NOSTRIN: variants seen among roughly 807,000 people sequenced by gnomAD.
The protein encoded by NOSTRIN is BM247 homolog.
Under a neutral mutation model 59.0 loss-of-function variants are expected in NOSTRIN, and 63 were observed. That is an observed-to-expected ratio of 1.07 (90% CI 0.87 to 1.32). The LOEUF (loss-of-function observed/expected upper bound fraction) is 1.32, where lower values mean the gene tolerates loss of function less well. Ranked by LOEUF, NOSTRIN falls within the 40% of genes most tolerant of loss-of-function variation. The pLI is 0.00. For synonymous variants in NOSTRIN, 200 were observed against 165.4 expected, an observed-to-expected ratio of 1.21 and a Z score of -1.61; for missense variants, 512 against 473.1, an observed-to-expected ratio of 1.08 and a Z score of -0.76.
upstream of NOSTRIN, among the ~76,000 whole-genome samples, chr2:168,796,597 C>T (rs56022950): frequency 6.1e-3 from 930 of 152,320 alleles, 6 homozygotes; most frequent in Middle Eastern, 0.01. Flanking sequence ...TTAGGGCACT[C>T]TTCGATTTTA....
chr2:168,863,906 G>T (rs1268680750), intron 15 of NOSTRIN, among the ~76,000 whole-genome samples: 1 of 151,746 alleles, frequency 6.6e-6, no homozygotes, highest in Non-Finnish European at 1.5e-5. Context: ...GATCCAACGT[G>T]ATCTTTTTTT....
upstream of NOSTRIN, among the ~76,000 whole-genome samples, chr2:168,802,020 T>G (rs1025565635): frequency 2.0e-5 from 3 of 152,078 alleles, no homozygotes; most frequent in Admixed American, 6.6e-5. Context: ...GGTTCCTAGT[T>G]GTTTGGTGTC....
chr2:168,812,054 C>T (rs1377739383), intron 2 of NOSTRIN: 1 of 154,058 alleles, frequency 6.5e-6, no homozygotes, highest in East Asian at 1.9e-4. Flanking sequence ...CTCTTAGAGC[C>T]TGGCCTTTTG....
At chr2:168,789,263 C>G (rs1685285266) in intron 2 of NOSTRIN, among the ~76,000 whole-genome samples, 1 of 152,186 alleles carries the variant, frequency 6.6e-6, no homozygotes, top group African/African-American at 2.4e-5. Context: ...AGTTTGTTCT[C>G]ACGCTGCTAA....
intron 10 of NOSTRIN, among the ~76,000 whole-genome samples, chr2:168,853,051 T>C (rs1243030926): frequency 6.6e-6 from 1 of 152,204 alleles, no homozygotes; most frequent in African/African-American, 2.4e-5. Context: ...AAAATTTGAC[T>C]AGGGTTCTAC....
chr2:168,850,876 G>A (rs1243353452), intron 8 of NOSTRIN: 3 of 796,744 alleles, frequency 3.8e-6, no homozygotes, highest in Non-Finnish European at 6.4e-6. Flanking sequence ...TGGGTCAAAA[G>A]AGCCTGGGGA....
At chr2:168,841,998 G>T (rs1263308306) in intron 7 of NOSTRIN, among the ~76,000 whole-genome samples, 1 of 152,184 alleles carries the variant, frequency 6.6e-6, no homozygotes, top group African/African-American at 2.4e-5. Context: ...CTTCCTTCCT[G>T]CTGGGAATGG....
chr2:168,824,900 C>T (rs1322100660), intron 3 of NOSTRIN, among the ~76,000 whole-genome samples, 183 bp downstream of exon 3: 3 of 151,982 alleles, frequency 2.0e-5, no homozygotes, highest in Non-Finnish European at 4.4e-5. Context: ...CCCAGCCTCC[C>T]ATATAGAGTA....
At position 168,856,733 on chromosome 2, in the gene NOSTRIN, C is replaced by T. The variant is rs1689146779; in HGVS notation, c.1008C>T (p.Phe336=). ...MLKTYSSTSS[F]SDAKSQKDTA... ...AAACGTACTCCAGCACCTCCTCCTT[C>T]TCTGATGCAAAGAGCCAGAAAGACA... The change falls in exon 12 of 16, where the codon TTC becomes TTT. Residue 336 remains phenylalanine, a synonymous_variant. Transcript: ENST00000317647. 2.5e-6 allele frequency: 4 copies of T among 1,614,188 alleles called. No homozygotes were observed. Among genetic ancestry groups the T allele is most frequent in the Admixed American group, 1.7e-5 (1 of 60,024 alleles).
chr2:168,838,221 A>T lies in NOSTRIN; in HGVS notation c.504+3896A>T, dbSNP rs557169473. On this transcript the variant is annotated intron_variant, in intron 7 of 15. Coordinates refer to ENST00000317647, the MANE Select transcript of NOSTRIN (RefSeq NM_001039724.4). ...TTTTTTTCTACCAAAGATAATCTTT[A>T]TTCCTGTGTTCTCTGTGTCTTTGAA... is the stretch of plus-strand genomic sequence containing the variant. 3.3e-5 allele frequency among the ~76,000 whole-genome samples: 5 copies of T among 152,306 alleles called. No individual in the cohort carries two copies. In the East Asian group the frequency reaches 9.7e-4, roughly 29 times the overall value.
At chr2:168,797,762 G>A (rs932246748), upstream of NOSTRIN, among the ~76,000 whole-genome samples, 5 of 151,952 alleles carry the variant, frequency 3.3e-5, no homozygotes, top group African/African-American at 1.2e-4. Context: ...TGAATCGCTG[G>A]AGTTCAGGAG....
intron 8 of NOSTRIN, among the ~76,000 whole-genome samples, chr2:168,849,480 T>C (rs1352479941): frequency 1.3e-5 from 2 of 151,866 alleles, no homozygotes; most frequent in African/African-American, 4.8e-5. Flanking sequence ...CTCAGCCTCC[T>C]GAGTAGCTGG....
chr2:168,817,749 T>A (rs1686491373), intron 2 of NOSTRIN, among the ~76,000 whole-genome samples: 1 of 152,200 alleles, frequency 6.6e-6, no homozygotes, highest in African/African-American at 2.4e-5. Flanking sequence ...AGGGCATCAT[T>A]CAGGTCTTAT....
chr2:168,817,702 C>T (rs1051070670), intron 2 of NOSTRIN, among the ~76,000 whole-genome samples: 6 of 152,126 alleles, frequency 3.9e-5, no homozygotes, highest in Non-Finnish European at 7.3e-5. Flanking sequence ...CAGAGTGAGC[C>T]GGGGCTCAGT....
chr2:168,844,098 C>T (rs140087198), intron 8 of NOSTRIN, among the ~76,000 whole-genome samples: 134 of 152,302 alleles, frequency 8.8e-4, no homozygotes, highest in African/African-American at 3.2e-3. Context: ...ATACCACTTA[C>T]ACAATCTGTG....
chr2:168,804,625 T>C (rs1412115220), intron 1 of NOSTRIN, among the ~76,000 whole-genome samples: 3 of 152,158 alleles, frequency 2.0e-5, no homozygotes, highest in Non-Finnish European at 4.4e-5. Flanking sequence ...TTTAACCACC[T>C]GCAAAATGTC....
At chr2:168,845,790 C>CTTCTTTTTTTTTTTTTTT (rs36186706) in intron 8 of NOSTRIN, among the ~76,000 whole-genome samples, 2 of 140,630 alleles carry the variant, frequency 1.4e-5, no homozygotes, top group Non-Finnish European at 3.1e-5. Context: ...TTTTTTCTTC[C>CTTCTTTTTTTTTTTTTTT]TTTTTTTTTT....
rs149839787 is a variant in NOSTRIN at position 168,808,241 on chromosome 2, A to T, written c.28-3326A>T. Among the ~76,000 whole-genome samples the T allele has an allele frequency of 5.9e-5, 9 of 152,294 alleles. No homozygotes were observed. The East Asian group carries it at 1.7e-3, about 29-fold the overall frequency. On this transcript the variant is annotated intron_variant, in intron 1 of 15. Transcript: ENST00000317647. Reference sequence around the variant, plus strand: ...TCTACATGCCCCCATTCCACGCTTGATGTCCAGGGTCCCTTGTTCTCTCCC... The same window carrying T: ...TCTACATGCCCCCATTCCACGCTTGTTGTCCAGGGTCCCTTGTTCTCTCCC...
At chr2:168,827,320 T>C (rs1687111361) in intron 3 of NOSTRIN, among the ~76,000 whole-genome samples, 1 of 152,158 alleles carries the variant, frequency 6.6e-6, no homozygotes, top group African/African-American at 2.4e-5. Context: ...TCCTTTGTGT[T>C]AAAGTGAGAT....
Sources: allele counts gnomAD v4.1 joint callset (sites outside exome capture counted in the v4.1 genomes callset), GRCh38; gene constraint gnomAD v4.1.1; transcripts MANE v1.5; gene names NCBI Gene and HGNC (gene_info 2026-07-23, HGNC 2026-07-21).